NRG3: variants seen among roughly 807,000 people sequenced by gnomAD.
The protein encoded by NRG3 is pro-neuregulin-3, membrane-bound isoform.
A neutral mutation model predicts 66.9 loss-of-function variants in NRG3; 31 were observed. That is an observed-to-expected ratio of 0.46 (90% CI 0.35 to 0.63). NRG3 has a LOEUF of 0.63. Among genes scored for constraint, NRG3 ranks in the 20% least tolerant of loss-of-function variants. The probability of loss-of-function intolerance (pLI) is 0.00; values close to 1 mark genes in which losing one functional copy is unlikely to be tolerated. For synonymous variants in NRG3, 393 were observed against 359.4 expected (o/e 1.09, Z -1.06); for missense variants, 910 against 878.9 (o/e 1.04, Z -0.45).
chr10:82,146,243 T>C (rs2070244251), intron 1 of NRG3, among the ~76,000 whole-genome samples: 1 of 152,208 alleles, frequency 6.6e-6, no homozygotes, highest in African/African-American at 2.4e-5. Context: ...CCTACTGAAA[T>C]ACAGCTAAAC....
At chr10:82,511,806 A>T (rs1265409774) in intron 2 of NRG3, among the ~76,000 whole-genome samples, 2 of 152,026 alleles carry the variant, frequency 1.3e-5, no homozygotes, top group Non-Finnish European at 2.9e-5. Flanking sequence ...CATGTCAGGA[A>T]ACTATCAGAC....
At chr10:82,411,116 A>T (rs369759970) in intron 2 of NRG3, among the ~76,000 whole-genome samples, 1 of 152,080 alleles carries the variant, frequency 6.6e-6, no homozygotes. Context: ...GGATTTCAGC[A>T]TGTAAGCCAG....
At chr10:81,914,196 C>T (rs1417581751) in intron 1 of NRG3, among the ~76,000 whole-genome samples, 4 of 152,098 alleles carry the variant, frequency 2.6e-5, no homozygotes, top group African/African-American at 4.8e-5. Flanking sequence ...CACGTATTAC[C>T]TTTATAATAA....
chr10:82,313,241 G>A (rs1044609377), intron 1 of NRG3, among the ~76,000 whole-genome samples: 2 of 152,010 alleles, frequency 1.3e-5, no homozygotes, highest in Admixed American at 1.3e-4. Context: ...GGAGGCTGAG[G>A]CAAGAGAATC....
chr10:82,394,339 A>C (rs2086581736), intron 2 of NRG3, among the ~76,000 whole-genome samples: 1 of 152,214 alleles, frequency 6.6e-6, no homozygotes, highest in Non-Finnish European at 1.5e-5. Flanking sequence ...CTCCCTAGGC[A>C]GGCTGCCAAA....
rs1554859983 is a variant in NRG3 at position 81,935,919 on chromosome 10, A to AC, written c.823+59757dup. On this transcript the variant is annotated intron_variant, in intron 1 of 8. Transcript: ENST00000372141. ...CACACACACACACACACACACACACACACACAGTTTCCTGTGTTAAAATGG... is the reference window on the plus strand; with the variant it reads ...CACACACACACACACACACACACACACCACACAGTTTCCTGTGTTAAAATGG... Among the ~76,000 whole-genome samples, 118 of 146,758 alleles carry AC rather than the reference A, an allele frequency of 8.0e-4. 2 individuals carry two copies. The highest frequency in any genetic ancestry group is 6.9e-3 in the Middle Eastern group (2 of 290).
chr10:82,550,600 T>C (rs996065436), intron 2 of NRG3, among the ~76,000 whole-genome samples: 1 of 152,192 alleles, frequency 6.6e-6, no homozygotes, highest in Non-Finnish European at 1.5e-5. Context: ...TTCCTTTGTG[T>C]TTTTAGGATC....
intron 1 of NRG3, among the ~76,000 whole-genome samples, chr10:82,194,394 G>A (rs954040960): frequency 6.6e-6 from 1 of 152,144 alleles, no homozygotes; most frequent in African/African-American, 2.4e-5. Context: ...GCTGCAAGGT[G>A]GGAGGTGGAG....
chr10:82,739,021 G>A (rs769231529), intron 3 of NRG3, among the ~76,000 whole-genome samples: 12 of 152,118 alleles, frequency 7.9e-5, no homozygotes, highest in African/African-American at 1.9e-4. Context: ...GTATTATACC[G>A]CTTCTTACGC....
chr10:82,663,324 G>A (rs928693997), intron 2 of NRG3, among the ~76,000 whole-genome samples: 4 of 152,194 alleles, frequency 2.6e-5, no homozygotes, highest in African/African-American at 7.2e-5. Flanking sequence ...GGTTTCCTGG[G>A]ATTTAATTGC....
intron 1 of NRG3, among the ~76,000 whole-genome samples, chr10:82,129,213 A>T (rs1389302303): frequency 6.6e-6 from 1 of 152,010 alleles, no homozygotes; most frequent in East Asian, 1.9e-4. Flanking sequence ...GCGCCAGGGC[A>T]GTGCTCTAAA....
intron 1 of NRG3, among the ~76,000 whole-genome samples, chr10:81,951,881 A>C (rs1849388922): frequency 6.6e-6 from 1 of 152,216 alleles, no homozygotes. Context: ...CCAAATGTCC[A>C]ACAATGATAG....
At chr10:82,032,351 A>G (rs1345271694) in intron 1 of NRG3, among the ~76,000 whole-genome samples, 1 of 151,826 alleles carries the variant, frequency 6.6e-6, no homozygotes, top group East Asian at 1.9e-4. Context: ...TAAAAGTACA[A>G]AGGAAGTTTT....
intron 1 of NRG3, among the ~76,000 whole-genome samples, chr10:82,250,061 C>A (rs1363163397): frequency 6.6e-6 from 1 of 152,160 alleles, no homozygotes; most frequent in Admixed American, 6.5e-5. Context: ...CCCAGAGCCA[C>A]ACAGTGAATG....
chr10:82,622,932 A>C (rs2049137371), intron 2 of NRG3, among the ~76,000 whole-genome samples: 2 of 152,074 alleles, frequency 1.3e-5, no homozygotes, highest in Admixed American at 1.3e-4. Flanking sequence ...TAAGTGTATT[A>C]AATGCATTTT....
chr10:82,616,790 C>T (rs2048681208), intron 2 of NRG3, among the ~76,000 whole-genome samples: 1 of 152,086 alleles, frequency 6.6e-6, no homozygotes, highest in African/African-American at 2.4e-5. Context: ...CCATCAATAC[C>T]TTTCAGGCAT....
chr10:82,186,511 C>A (rs999736201), intron 1 of NRG3, among the ~76,000 whole-genome samples: 2 of 152,168 alleles, frequency 1.3e-5, no homozygotes, highest in African/African-American at 2.4e-5. Flanking sequence ...CTGAGCCTGA[C>A]AAATTTGCAG....
At chr10:82,747,516 T>C (rs894444438) in intron 3 of NRG3, among the ~76,000 whole-genome samples, 6 of 152,104 alleles carry the variant, frequency 3.9e-5, no homozygotes, top group Admixed American at 2.6e-4. Context: ...TGGATAGTAT[T>C]AATTGCTACT....
intron 1 of NRG3, among the ~76,000 whole-genome samples, chr10:82,114,272 A>G (rs1478800330): frequency 6.6e-6 from 1 of 152,140 alleles, no homozygotes; most frequent in African/African-American, 2.4e-5. Flanking sequence ...GAATAATGCT[A>G]CTGTAACATT....
Sources: allele counts gnomAD v4.1 joint callset (sites outside exome capture counted in the v4.1 genomes callset), GRCh38; gene constraint gnomAD v4.1.1; transcripts MANE v1.5; gene names NCBI Gene and HGNC (gene_info 2026-07-23, HGNC 2026-07-21).